The following MDGA2 variants were observed in gnomAD, a reference collection of about 807,000 sequenced individuals.
MDGA2 encodes MAM domain containing glycosylphosphatidylinositol anchor 2.
In MDGA2, 40 loss-of-function variants were observed where a neutral mutation model predicts 117.8. The ratio of observed to expected loss-of-function variants is 0.34; its 90% CI spans 0.26 to 0.44. The LOEUF (loss-of-function observed/expected upper bound fraction) is 0.44. Ranked by LOEUF, MDGA2 falls within the 20% of genes least tolerant of loss-of-function variation. MDGA2 has a pLI of 1.00. For missense variants in MDGA2, 1,123 were observed against 1,250.6 expected, an observed-to-expected ratio of 0.90 and a Z score of 1.54; for synonymous variants, 452 against 439.0, an observed-to-expected ratio of 1.03 and a Z score of -0.37.
chr14:47,535,667 T>C (rs1477494537), intron 1 of MDGA2, among the ~76,000 whole-genome samples: 1 of 152,128 alleles, frequency 6.6e-6, no homozygotes, highest in Admixed American at 6.5e-5. Flanking sequence ...TTGATATAAG[T>C]AAATTCAAAC....
chr14:47,483,544 T>C (rs1216218354), intron 1 of MDGA2, among the ~76,000 whole-genome samples: 1 of 152,166 alleles, frequency 6.6e-6, no homozygotes, highest in African/African-American at 2.4e-5. Flanking sequence ...TTTCCAACAG[T>C]TGCAACAGAA....
intron 2 of MDGA2, among the ~76,000 whole-genome samples, chr14:47,254,179 TC>T (rs1265087237): frequency 1.3e-5 from 2 of 152,174 alleles, no homozygotes; most frequent in African/African-American, 2.4e-5. Flanking sequence ...TGGAGACATT[TC>T]CCCCACTGTC....
chr14:47,131,867 TAA>T lies in MDGA2; in HGVS notation c.793-23_793-22del. ...TCACCCTGAAAATGTACACAAAAAA[TAA>T]AAGTCATTAGAAAAAGCCAACACAA... On this transcript the variant is annotated intron_variant, in intron 4 of 16. Coordinates refer to ENST00000399232, the MANE Select transcript of MDGA2 (RefSeq NM_001113498.3). 4 of 1,528,426 alleles carry T rather than the reference TAA, an allele frequency of 2.6e-6. No homozygotes were observed. The East Asian group carries it at 6.9e-5, about 27-fold the overall frequency. 94.7% of individuals were successfully genotyped at this position (1,528,426 alleles called of 1,614,324 possible).
intron 6 of MDGA2, among the ~76,000 whole-genome samples, chr14:47,068,413 A>ATAT (rs199534923): frequency 5.6e-4 from 81 of 143,560 alleles, no homozygotes; most frequent in African/African-American, 2.0e-3. Flanking sequence ...AGTAAGAAAA[A>ATAT]AAAAATATAT....
At chr14:47,321,749 T>A (rs1889986567) in intron 1 of MDGA2, among the ~76,000 whole-genome samples, 1 of 152,242 alleles carries the variant, frequency 6.6e-6, no homozygotes, top group Non-Finnish European at 1.5e-5. Flanking sequence ...TGCAATGACC[T>A]TAATAAGAAT....
intron 8 of MDGA2, among the ~76,000 whole-genome samples, chr14:46,998,089 A>C (rs539603238): frequency 6.6e-6 from 1 of 152,244 alleles, no homozygotes; most frequent in East Asian, 1.9e-4. Context: ...AAAAAGAGTT[A>C]TTTTTGAAGA....
intron 8 of MDGA2, among the ~76,000 whole-genome samples, chr14:46,986,793 G>C (rs1262670843): frequency 6.6e-6 from 1 of 152,096 alleles, no homozygotes; most frequent in Non-Finnish European, 1.5e-5. Flanking sequence ...CAGTAGAACT[G>C]AGTAACTTAT....
At chr14:47,487,867 A>T (rs72687672) in intron 1 of MDGA2, among the ~76,000 whole-genome samples, 19 of 152,268 alleles carry the variant, frequency 1.2e-4, no homozygotes, top group Non-Finnish European at 2.8e-4. Flanking sequence ...TAACAAGTCT[A>T]TATTTATGTG....
intron 1 of MDGA2, among the ~76,000 whole-genome samples, chr14:47,450,410 G>A (rs1451760542): frequency 6.6e-6 from 1 of 151,962 alleles, no homozygotes; most frequent in East Asian, 1.9e-4. Flanking sequence ...AGCCTCAAAT[G>A]AGTTGCAGAG....
At chr14:47,657,408 C>T (rs749921558) in intron 1 of MDGA2, among the ~76,000 whole-genome samples, 25 of 152,134 alleles carry the variant, frequency 1.6e-4, no homozygotes, top group Non-Finnish European at 2.6e-4. Flanking sequence ...AAATTATAGA[C>T]ATTATCCATA....
At chr14:47,611,624 C>G (rs1195797931) in intron 1 of MDGA2, among the ~76,000 whole-genome samples, 3 of 151,914 alleles carry the variant, frequency 2.0e-5, no homozygotes, top group Non-Finnish European at 4.4e-5. Context: ...TCACTAATGA[C>G]CAGGGAAATG....
intron 2 of MDGA2, among the ~76,000 whole-genome samples, chr14:47,253,319 T>C (rs1887509702): frequency 6.6e-6 from 1 of 152,178 alleles, no homozygotes; most frequent in African/African-American, 2.4e-5. Flanking sequence ...GGCAAGTCCC[T>C]TCCTCCTATT....
intron 2 of MDGA2, among the ~76,000 whole-genome samples, chr14:47,234,678 G>A (rs1886801369): frequency 6.6e-6 from 1 of 152,010 alleles, no homozygotes; most frequent in Non-Finnish European, 1.5e-5. Flanking sequence ...TCATGATAAG[G>A]ATTTTTGCCT....
intron 1 of MDGA2, among the ~76,000 whole-genome samples, chr14:47,532,081 C>T (rs934634054): frequency 2.0e-5 from 3 of 152,128 alleles, no homozygotes; most frequent in African/African-American, 7.2e-5. Context: ...TAATTTGAGG[C>T]TAACAGTGCA....
intron 8 of MDGA2, among the ~76,000 whole-genome samples, chr14:47,000,790 T>G (rs886411539): frequency 6.6e-6 from 1 of 151,922 alleles, no homozygotes; most frequent in Non-Finnish European, 1.5e-5. Flanking sequence ...CTTTGAATAT[T>G]TGACTTTTCA....
At chr14:47,399,584 C>A (rs972509943) in intron 1 of MDGA2, among the ~76,000 whole-genome samples, 2 of 152,108 alleles carry the variant, frequency 1.3e-5, no homozygotes, top group Admixed American at 1.3e-4. Flanking sequence ...GGCATGGCAT[C>A]GTGGCTAAAT....
intron 5 of MDGA2, among the ~76,000 whole-genome samples, chr14:47,102,956 T>G (rs561412753): frequency 1.3e-5 from 2 of 152,122 alleles, no homozygotes; most frequent in African/African-American, 4.8e-5. Context: ...GATCAACGAG[T>G]GGCTACATGG....
At chr14:47,624,753 A>T (rs1897110517) in intron 1 of MDGA2, among the ~76,000 whole-genome samples, 1 of 152,176 alleles carries the variant, frequency 6.6e-6, no homozygotes. Context: ...CAACCTAGGG[A>T]AACATAACAT....
intron 2 of MDGA2, among the ~76,000 whole-genome samples, chr14:47,241,777 A>C (rs1451506644): frequency 2.0e-5 from 3 of 151,964 alleles, no homozygotes; most frequent in Non-Finnish European, 4.4e-5. Flanking sequence ...TGAGGTAAAA[A>C]AAAATGTTTA....
Sources: gnomAD v4.1 joint callset for allele counts (sites outside exome capture counted in the v4.1 genomes callset) on GRCh38, gnomAD v4.1.1 for gene constraint, MANE v1.5 for transcripts, NCBI Gene and HGNC (gene_info 2026-07-23, HGNC 2026-07-21) for gene names.